Variants in TARBP1 observed in about 807,000 individuals in gnomAD.
The protein encoded by TARBP1 is tRNA guanosine 2 -O-methyltransferase TARBP1, also known as tRNA (guanosine(18)-2'-O)-methyltransferase TARBP1.
In TARBP1, 144 loss-of-function variants were observed where a neutral mutation model predicts 178.6. The ratio of observed to expected loss-of-function variants is 0.81; its 90% confidence interval spans 0.70 to 0.93. The LOEUF (loss-of-function observed/expected upper bound fraction) is 0.93, where lower values mean the gene tolerates loss of function less well. Among genes scored for constraint, TARBP1 ranks in the 40% least tolerant of loss-of-function variants. TARBP1 has a pLI of 0.00. For missense variants in TARBP1, 2,067 were observed against 2,011.7 expected (o/e 1.03, Z -0.53); for synonymous variants, 787 against 781.0 (o/e 1.01, Z -0.13).
chr1:234,479,165 G>T lies in TARBP1; in HGVS notation c.-62C>A, dbSNP rs1571909009. On this transcript the variant is annotated 5_prime_UTR_variant, in exon 1 of 30. Transcript: ENST00000040877. Reference sequence around the variant, plus strand: ...AGGAAGGCGCCGGCGTGTGCGATGCGTGCGCACAGGACCGGCCGGCCCCTA... The same window carrying T: ...AGGAAGGCGCCGGCGTGTGCGATGCTTGCGCACAGGACCGGCCGGCCCCTA... The T allele has an allele frequency of 2.8e-6, 4 of 1,406,540 alleles. No homozygotes were observed. Among genetic ancestry groups the T allele is most frequent in the African/African-American group, 3.0e-5 (2 of 66,676 alleles). The allele number at this position is 1,406,540 out of a possible 1,614,324, so 87.1% of individuals were successfully genotyped here.
intron 25 of TARBP1, among the ~76,000 whole-genome samples, chr1:234,399,281 G>A (rs552181828): frequency 1.3e-5 from 2 of 152,176 alleles, no homozygotes; most frequent in Admixed American, 6.5e-5. Context: ...AATACTCTTA[G>A]CAGCAATGCA....
chr1:234,478,456 C>T lies in TARBP1; in HGVS notation c.648G>A (p.Ala216=). Residue 216 remains alanine (A), a synonymous_variant, in exon 1 of 30, where the codon GCG becomes GCA. Transcript: ENST00000040877. The stretch of plus-strand genomic sequence containing the variant: ...GGCCGGACCCCAGGGACGCCCCAGG[C>T]GCGGCCAGCCCGCCCCACACGGCCC... ...ALRAVWGGLA[A]PGASLGSGRV... The T allele has an allele frequency of 2.9e-6, 4 of 1,385,034 alleles. No individual in the cohort carries two copies. The highest frequency in any genetic ancestry group is 3.8e-6 in the Non-Finnish European group (4 of 1,065,824). The allele number at this position is 1,385,034 out of a possible 1,614,324, so 85.8% of individuals were successfully genotyped here.
intron 12 of TARBP1, among the ~76,000 whole-genome samples, chr1:234,443,285 C>G (rs1261368230): frequency 6.9e-6 from 1 of 144,962 alleles, no homozygotes; most frequent in African/African-American, 2.6e-5. Flanking sequence ...AGCGAAACTC[C>G]GTCTCAAAAA....
chr1:234,398,038 T>C (rs1158406580), intron 26 of TARBP1: 1 of 163,002 alleles, frequency 6.1e-6, no homozygotes, highest in African/African-American at 2.4e-5. Context: ...TTTGGTCCTT[T>C]TGGAAATGTT....
rs1203766387 is a variant in TARBP1 at position 234,429,519 on chromosome 1, T to G, written c.2768A>C (p.Gln923Pro). 3 of 1,614,212 alleles carry G rather than the reference T, an allele frequency of 1.9e-6. No homozygotes were observed. Among genetic ancestry groups the G allele is most frequent in the Non-Finnish European group, 2.5e-6 (3 of 1,180,036 alleles). ...EILEPFLPAV[Q>P]MPIRTLQSAL... ...AGACTGCAAAGTCCTTATTGGCATCTGAACGGCAGGTAGAAACGGTTCCAG... is the reference window on the plus strand; with the variant it reads ...AGACTGCAAAGTCCTTATTGGCATCGGAACGGCAGGTAGAAACGGTTCCAG... Residue 923 changes from glutamine to proline, a missense_variant, in exon 16 of 30, where the codon CAG (glutamine) becomes CCG (proline). Coordinates refer to ENST00000040877, the MANE Select transcript of TARBP1 (RefSeq NM_005646.4).
chr1:234,427,271 T>C, intron 19 of TARBP1, 46 bp downstream of exon 19: 2 of 1,364,104 alleles, frequency 1.5e-6, no homozygotes, highest in Non-Finnish European at 2.1e-6. Context: ...TGTTAAATTT[T>C]TAGTATCTCA....
intron 23 of TARBP1, among the ~76,000 whole-genome samples, chr1:234,409,581 A>T (rs776486470): frequency 2.6e-5 from 4 of 152,228 alleles, no homozygotes; most frequent in Non-Finnish European, 5.9e-5. Flanking sequence ...ACACTGGAAG[A>T]CACCATCAAT....
In TARBP1 at chr1:234,418,168, T is replaced by C. The variant is rs1181800452; in HGVS notation, c.3621A>G (p.Ile1207Met). The stretch of plus-strand genomic sequence containing the variant: ...TAATAATCCATTCTATAAAATATTT[T>C]ATGGATGCTTGATTGTTGGTGAAAC... ...QAGFTNNQASIKYFIEWIIIL... is the reference protein window; with the variant it reads ...QAGFTNNQASMKYFIEWIIIL... Residue 1207 changes from isoleucine (I) to methionine (M), a missense_variant, in exon 22 of 30, where the codon ATA (isoleucine) becomes ATG (methionine). Transcript: ENST00000040877. 1 of 1,550,422 alleles carries C rather than the reference T, an allele frequency of 6.4e-7. No homozygotes were observed. Among genetic ancestry groups the C allele is most frequent in the African/African-American group, 1.4e-5 (1 of 70,978 alleles).
In TARBP1 at chr1:234,429,332, G is replaced by T; in HGVS notation, c.2872-8C>A. On this transcript the variant is annotated splice_region_variant and splice_polypyrimidine_tract_variant and intron_variant, in intron 16 of 29. Transcript: ENST00000040877. The stretch of plus-strand genomic sequence containing the variant: ...TTCAGAGGAAGTCAGAAGCTGGTAG[G>T]AAAAAAAAAAATACATACTTATTTC... The T allele has an allele frequency of 7.7e-7, 1 of 1,294,114 alleles. No homozygotes were observed. The highest frequency in any genetic ancestry group is 1.0e-6 in the Non-Finnish European group (1 of 952,982). The allele number at this position is 1,294,114 out of a possible 1,614,324, so 80.2% of individuals were successfully genotyped here.
chr1:234,432,940 G>A (rs553896936), intron 14 of TARBP1, among the ~76,000 whole-genome samples: 96 of 114,930 alleles, frequency 8.4e-4, no homozygotes, highest in African/African-American at 3.1e-3. Context: ...ATTTTAAGAT[G>A]ATGCCTCTTA....
chr1:234,459,358 T>C, intron 7 of TARBP1, 32 bp from the exon 8 acceptor site: 1 of 1,507,522 alleles, frequency 6.6e-7, no homozygotes, highest in Non-Finnish European at 9.1e-7. Flanking sequence ...TGCAGTTCCG[T>C]ATTCCCAAAG....
At chr1:234,392,597 C>T (rs773817500) in intron 28 of TARBP1, 45 bp from the exon 29 acceptor site, 2 of 1,577,916 alleles carry the variant, frequency 1.3e-6, no homozygotes, top group Admixed American at 1.8e-5. Flanking sequence ...TCAGTTATAG[C>T]CCTGCTTGGA....
At chr1:234,401,992 C>T (rs2103045026) in intron 24 of TARBP1, among the ~76,000 whole-genome samples, 1 of 152,330 alleles carries the variant, frequency 6.6e-6, no homozygotes, top group South Asian at 2.1e-4. Flanking sequence ...CGCAACAGAT[C>T]CCATTCCCCT....
intron 9 of TARBP1, among the ~76,000 whole-genome samples, chr1:234,451,766 A>AAAAAAAAAAAAAAAACAAAAAAAC (rs57636903): frequency 0.012 from 201 of 17,140 alleles, 62 homozygotes; most frequent in East Asian, 0.081. Context: ...AAAAAAAAAA[A>AAAAAAAAAAAAAAAACAAAAAAAC]TGATGAATGA....
At chr1:234,406,192 C>T in intron 23 of TARBP1, 93 bp from the exon 24 acceptor site, 1 of 1,170,056 alleles carries the variant, frequency 8.5e-7, no homozygotes, top group Non-Finnish European at 1.2e-6. Context: ...AATGATACAA[C>T]TGCTCCTAGT....
intron 22 of TARBP1, among the ~76,000 whole-genome samples, chr1:234,411,778 A>T (rs1464492890): frequency 6.6e-6 from 1 of 152,174 alleles, no homozygotes; most frequent in African/African-American, 2.4e-5. Flanking sequence ...TGAAACTATT[A>T]TTATTTCATA....
At chr1:234,477,331 C>T (rs1050772835) in intron 1 of TARBP1, among the ~76,000 whole-genome samples, 2 of 152,212 alleles carry the variant, frequency 1.3e-5, no homozygotes, top group African/African-American at 4.8e-5. Context: ...AATATTTACT[C>T]TCTAATGTTT....
Position 234,479,153 on chromosome 1 carries a change from C to CGTGTGCGAT in TARBP1, c.-59_-51dup, listed in dbSNP as rs1669895340. ...CCGGGCTCCCAAAGGAAGGCGCCGG[C>CGTGTGCGAT]GTGTGCGATGCGTGCGCACAGGACC... On this transcript the variant is annotated 5_prime_UTR_variant, in exon 1 of 30. Transcript: ENST00000040877. 1 of 1,455,486 alleles carries CGTGTGCGAT rather than the reference C, an allele frequency of 6.9e-7. No homozygotes were observed. The highest frequency in any genetic ancestry group is 9.0e-7 in the Non-Finnish European group (1 of 1,115,544). 90.2% of individuals were successfully genotyped at this position (1,455,486 alleles called of 1,614,324 possible).
At chr1:234,464,966 T>C (rs1306196591) in intron 5 of TARBP1, among the ~76,000 whole-genome samples, 1 of 152,200 alleles carries the variant, frequency 6.6e-6, no homozygotes, top group Non-Finnish European at 1.5e-5. Context: ...GCAGCCACTG[T>C]CAGATACGGA....
Sources: allele counts gnomAD v4.1 joint callset (sites outside exome capture counted in the v4.1 genomes callset), GRCh38; gene constraint gnomAD v4.1.1; transcripts MANE v1.5; gene names NCBI Gene and HGNC (gene_info 2026-07-23, HGNC 2026-07-21).